LAMB4: variants seen among roughly 807,000 people sequenced by gnomAD.
LAMB4 encodes laminin subunit beta-4.
In LAMB4, 196 loss-of-function variants were observed where a neutral mutation model predicts 199.2. The observed-to-expected ratio is 0.98, with a 90% confidence interval of 0.88 to 1.11. The LOEUF is 1.11. Ranked by LOEUF, LAMB4 falls within the 50% of genes least tolerant of loss-of-function variation. The pLI is 0.00. For missense variants in LAMB4, 2,080 were observed against 2,171.2 expected (o/e 0.96, Z 0.83); for synonymous variants, 744 against 770.6 (o/e 0.97, Z 0.57).
chr7:108,035,855 CT>C (rs555719511), intron 30 of LAMB4, among the ~76,000 whole-genome samples: 27,272 of 140,850 alleles, frequency 0.19, 5,521 homozygotes, highest in African/African-American at 0.52. Context: ...CTTTTATCAA[CT>C]TTTTTTTTTT....
intron 10 of LAMB4, among the ~76,000 whole-genome samples, chr7:108,099,447 G>T (rs1265108982): frequency 6.6e-6 from 1 of 152,220 alleles, no homozygotes; most frequent in Non-Finnish European, 1.5e-5. Context: ...GATTGAGTTT[G>T]AGGAAGAACT....
intron 18 of LAMB4, among the ~76,000 whole-genome samples, chr7:108,068,495 C>A (rs570454736): frequency 1.3e-5 from 2 of 150,386 alleles, no homozygotes; most frequent in Non-Finnish European, 2.9e-5. Flanking sequence ...TGATGTTCTA[C>A]ATTGGTGCTG....
intron 1 of LAMB4, among the ~76,000 whole-genome samples, chr7:108,127,175 GTTTTTTTTTTTGTGT>G (rs375081704): frequency 0.32 from 44,067 of 137,984 alleles, 7,701 homozygotes; most frequent in Admixed American, 0.45. Flanking sequence ...AATCACCAGG[GTTTTTTTTTTTGTGT>G]TTTTTTTTTT....
chr7:108,093,325 A>G (rs2037481612), intron 12 of LAMB4, among the ~76,000 whole-genome samples: 2 of 152,086 alleles, frequency 1.3e-5, no homozygotes, highest in Admixed American at 1.3e-4. Flanking sequence ...TCGGCCTCCC[A>G]AAGTGCTGGG....
chr7:108,056,051 T>C (rs766948374), intron 24 of LAMB4, 44 bp from the exon 25 acceptor site: 4 of 1,538,542 alleles, frequency 2.6e-6, no homozygotes, highest in Non-Finnish European at 3.5e-6. Context: ...ACTGGGCCTT[T>C]TGTTGATGAC....
At chr7:108,116,706 C>T (rs991543288) in intron 2 of LAMB4, among the ~76,000 whole-genome samples, 2 of 152,180 alleles carry the variant, frequency 1.3e-5, no homozygotes, top group Non-Finnish European at 2.9e-5. Flanking sequence ...ATCCTAAACT[C>T]AATTTTGTTT....
At chr7:108,047,480 T>G (rs2035667391) in intron 28 of LAMB4, among the ~76,000 whole-genome samples, 1 of 152,150 alleles carries the variant, frequency 6.6e-6, no homozygotes, top group Non-Finnish European at 1.5e-5. Flanking sequence ...TAATATTCTC[T>G]TTTTTCTAGC....
rs1359486616 is a variant in LAMB4 at position 108,104,735 on chromosome 7, A to G, written c.871-116T>C. On this transcript the variant is annotated intron_variant, in intron 8 of 33. Transcript: ENST00000388781. ...GTACCTCTCTGATCCTTAGTTTCCCATATGTTAATTACAATACCAACCTTG... is the reference window on the plus strand; with the variant it reads ...GTACCTCTCTGATCCTTAGTTTCCCGTATGTTAATTACAATACCAACCTTG... 5.2e-6 allele frequency: 6 copies of G among 1,151,578 alleles called. No individual in the cohort carries two copies. In the Admixed American group the frequency reaches 1.2e-4, roughly 23 times the overall value. 71.3% of individuals were successfully genotyped at this position (1,151,578 alleles called of 1,614,324 possible).
intron 18 of LAMB4, among the ~76,000 whole-genome samples, chr7:108,069,342 A>G (rs2036452157): frequency 6.6e-6 from 1 of 152,258 alleles, no homozygotes; most frequent in Admixed American, 6.5e-5. Flanking sequence ...AAGCCCTTCC[A>G]TAGCTAAATG....
intron 29 of LAMB4, among the ~76,000 whole-genome samples, chr7:108,042,906 C>T (rs539396557): frequency 1.1e-4 from 16 of 149,642 alleles, no homozygotes; most frequent in African/African-American, 4.0e-4. Flanking sequence ...AATAAAGCCT[C>T]TTCACATTAA....
At chr7:108,088,111 A>G (rs112488100) in intron 14 of LAMB4, among the ~76,000 whole-genome samples, 130 of 151,516 alleles carry the variant, frequency 8.6e-4, no homozygotes, top group African/African-American at 3.1e-3. Flanking sequence ...TTATGAAATC[A>G]CTTCCTTGTT....
At chr7:108,082,714 T>C (rs1484763187) in intron 14 of LAMB4, among the ~76,000 whole-genome samples, 1 of 152,140 alleles carries the variant, frequency 6.6e-6, no homozygotes, top group African/African-American at 2.4e-5. Context: ...GCTCTTGTAG[T>C]AGGAAAAGCC....
At chr7:108,032,633 T>C (rs1613001) in intron 31 of LAMB4, among the ~76,000 whole-genome samples, 31,145 of 151,920 alleles carry the variant, frequency 0.21, 7,238 homozygotes, top group African/African-American at 0.58. Context: ...GGTTAGCAAA[T>C]CTTAGTGGAG....
At chr7:108,127,402 C>T (rs773280247) in intron 1 of LAMB4, among the ~76,000 whole-genome samples, 7 of 152,122 alleles carry the variant, frequency 4.6e-5, no homozygotes, top group Non-Finnish European at 8.8e-5. Context: ...TCTTACCCTT[C>T]AAATCTAAAT....
At chr7:108,123,863 T>G (rs1222812042) in intron 1 of LAMB4, among the ~76,000 whole-genome samples, 1 of 152,228 alleles carries the variant, frequency 6.6e-6, no homozygotes, top group Non-Finnish European at 1.5e-5. Flanking sequence ...AAAGCAAACT[T>G]GTGATTTTCT....
intron 25 of LAMB4, 66 bp from the exon 26 acceptor site, chr7:108,052,323 T>A (rs1563049327): frequency 1.5e-6 from 2 of 1,319,054 alleles, no homozygotes; most frequent in Non-Finnish European, 2.0e-6. Context: ...GTGAAAAAAA[T>A]GCCACCAAAA....
intron 33 of LAMB4, chr7:108,026,757 G>T (rs529988924): frequency 5.9e-6 from 2 of 336,514 alleles, no homozygotes; most frequent in Admixed American, 4.2e-5. Flanking sequence ...TCTCAACATT[G>T]TTGCTGCCAA....
At chr7:108,015,727 C>G in the LAMB4 span, among the ~76,000 whole-genome samples, 1 of 146,742 alleles carries the variant, frequency 6.8e-6, no homozygotes, top group Non-Finnish European at 1.5e-5. Context: ...TTTTTAAAAA[C>G]AGCATGGGAA....
intron 31 of LAMB4, among the ~76,000 whole-genome samples, chr7:108,033,489 C>G (rs2035111807): frequency 6.6e-6 from 1 of 152,180 alleles, no homozygotes; most frequent in South Asian, 2.1e-4. Flanking sequence ...CGGCTCACTG[C>G]AACCTCCGCC....
Sources: allele counts gnomAD v4.1 joint callset (sites outside exome capture counted in the v4.1 genomes callset), GRCh38; gene constraint gnomAD v4.1.1; transcripts MANE v1.5; gene names NCBI Gene and HGNC (gene_info 2026-07-23, HGNC 2026-07-21).